VWA3B: variants seen among roughly 807,000 people sequenced by gnomAD.
VWA3B encodes the protein von Willebrand factor A domain-containing protein 3B.
Under a neutral mutation model 158.3 loss-of-function variants are expected in VWA3B, and 138 were observed. The ratio of observed to expected loss-of-function variants is 0.87; its 90% CI spans 0.76 to 1.00. The LOEUF is 1.00. Ranked by LOEUF, VWA3B falls within the 50% of genes least tolerant of loss-of-function variation. The pLI is 0.00. For synonymous variants in VWA3B, 596 were observed against 587.3 expected (o/e 1.01, Z -0.21); for missense variants, 1,555 against 1,565.1 (o/e 0.99, Z 0.11).
At chr2:98,299,899 A>C (rs894300315) in intron 24 of VWA3B, among the ~76,000 whole-genome samples, 180 bp from the exon 25 acceptor site, 3 of 152,182 alleles carry the variant, frequency 2.0e-5, no homozygotes, top group Non-Finnish European at 4.4e-5. Flanking sequence ...ACAAAATTCC[A>C]GATGTGGCCC....
chr2:98,216,637 C>T (rs992115215), intron 13 of VWA3B: 26 of 455,328 alleles, frequency 5.7e-5, no homozygotes, highest in African/African-American at 5.0e-4. Flanking sequence ...GCTGTTTAGA[C>T]TCAGAGCAGA....
At chr2:98,119,488 G>A (rs1358327274) in intron 3 of VWA3B, 25 bp from the exon 4 acceptor site, 2 of 1,610,322 alleles carry the variant, frequency 1.2e-6, no homozygotes, top group African/African-American at 2.7e-5. Context: ...TTGTTTTATT[G>A]TTTTTGTCTT....
At chr2:98,250,458 T>A (rs747367218) in intron 20 of VWA3B, 22 bp downstream of exon 20, 1 of 1,535,690 alleles carries the variant, frequency 6.5e-7, no homozygotes, top group East Asian at 2.3e-5. Context: ...TCTTGGCTGC[T>A]CTTTAATGGA....
At chr2:98,187,664 CTGTGTGTGTGTGTGTG>C (rs3066239) in intron 9 of VWA3B, among the ~76,000 whole-genome samples, 23 of 141,796 alleles carry the variant, frequency 1.6e-4, no homozygotes, top group Admixed American at 3.5e-4. Context: ...GTCTCTGTGT[CTGTGTGTGTGTGTGTG>C]TGTGTGTGTG....
chr2:98,308,275 GAC>G (rs1690649954), intron 26 of VWA3B, among the ~76,000 whole-genome samples: 1 of 152,104 alleles, frequency 6.6e-6, no homozygotes, highest in African/African-American at 2.4e-5. Flanking sequence ...GGCATTCTCT[GAC>G]ACACGGCTGA....
chr2:98,178,687 A>G (rs1680220348), intron 8 of VWA3B, among the ~76,000 whole-genome samples: 1 of 152,168 alleles, frequency 6.6e-6, no homozygotes. Context: ...TGGCTGCACA[A>G]TACAGTTGCC....
At chr2:98,217,147 C>T (rs985072848) in intron 13 of VWA3B, among the ~76,000 whole-genome samples, 1 of 152,182 alleles carries the variant, frequency 6.6e-6, no homozygotes, top group African/African-American at 2.4e-5. Context: ...TCCTCCTGCC[C>T]CCTCCCTGCT....
chr2:98,274,959 C>G (rs1688430471), intron 22 of VWA3B, among the ~76,000 whole-genome samples: 1 of 152,218 alleles, frequency 6.6e-6, no homozygotes, highest in Admixed American at 6.5e-5. Context: ...GCTACCCCTT[C>G]CATCCTTCCT....
chr2:98,123,036 A>C (rs1170667003), intron 5 of VWA3B, among the ~76,000 whole-genome samples: 5 of 152,218 alleles, frequency 3.3e-5, no homozygotes, highest in Admixed American at 2.6e-4. Flanking sequence ...ACTGCCTTGC[A>C]TATAAAAATG....
Position 98,256,189 on chromosome 2 carries a change from T to A in VWA3B, c.2843+15T>A. On this transcript the variant is annotated intron_variant, in intron 21 of 27. Coordinates refer to ENST00000477737, the MANE Select transcript of VWA3B (RefSeq NM_144992.5). ...GAAAAAGAAAAGTAAGCCATTCCAT[T>A]CCCTCCTCACTTTTTTTTTTTGGTG... is the stretch of plus-strand genomic sequence containing the variant. The A allele has an allele frequency of 6.4e-7, 1 of 1,558,350 alleles. No homozygotes were observed.
the VWA3B span, among the ~76,000 whole-genome samples, chr2:98,330,565 G>A: frequency 2.0e-5 from 3 of 152,138 alleles, no homozygotes; most frequent in Non-Finnish European, 4.4e-5. Context: ...CTTTCTGTAT[G>A]AGTTGTCTGT....
At chr2:98,265,200 C>A (rs1426432123) in intron 21 of VWA3B, among the ~76,000 whole-genome samples, 47 of 149,934 alleles carry the variant, frequency 3.1e-4, no homozygotes, top group African/African-American at 9.9e-4. Context: ...CGCCTCCCCC[C>A]ACCCCACAAC....
chr2:98,283,255 GA>G (rs988385397), intron 22 of VWA3B, among the ~76,000 whole-genome samples: 7 of 152,212 alleles, frequency 4.6e-5, no homozygotes, highest in African/African-American at 1.7e-4. Flanking sequence ...TGAAATCTAA[GA>G]GGGAGAAATG....
intron 16 of VWA3B, among the ~76,000 whole-genome samples, chr2:98,231,235 T>C (rs1261586641): frequency 6.6e-6 from 1 of 152,226 alleles, no homozygotes; most frequent in Non-Finnish European, 1.5e-5. Flanking sequence ...ATGAAATTCC[T>C]AATAGAATCC....
intron 11 of VWA3B, among the ~76,000 whole-genome samples, chr2:98,193,635 G>A (rs375124958): frequency 6.1e-5 from 9 of 148,374 alleles, no homozygotes; most frequent in Non-Finnish European, 1.0e-4. Context: ...TCACTGTGTC[G>A]TCCAGTCTGG....
chr2:98,122,593 C>A (rs1411302705), intron 5 of VWA3B, among the ~76,000 whole-genome samples: 1 of 152,178 alleles, frequency 6.6e-6, no homozygotes, highest in Non-Finnish European at 1.5e-5. Context: ...TGTCTGGACA[C>A]CTTAATAAGC....
intron 22 of VWA3B, among the ~76,000 whole-genome samples, chr2:98,278,958 G>A (rs1163657687): frequency 6.6e-6 from 1 of 152,174 alleles, no homozygotes; most frequent in Non-Finnish European, 1.5e-5. Flanking sequence ...CAGAAGTGAT[G>A]TGTGCACATT....
intron 12 of VWA3B, among the ~76,000 whole-genome samples, chr2:98,202,939 T>C (rs533500987): frequency 6.6e-6 from 1 of 152,236 alleles, no homozygotes; most frequent in Non-Finnish European, 1.5e-5. Flanking sequence ...TTCAAGCGAT[T>C]CTCCTGCCTC....
intron 7 of VWA3B, among the ~76,000 whole-genome samples, chr2:98,157,454 G>T (rs897902535): frequency 3.3e-5 from 5 of 152,012 alleles, no homozygotes; most frequent in African/African-American, 1.2e-4. Flanking sequence ...AAATAACTGG[G>T]AATTTTTTTA....
Sources: gnomAD v4.1 joint callset for allele counts (sites outside exome capture counted in the v4.1 genomes callset) on GRCh38, gnomAD v4.1.1 for gene constraint, MANE v1.5 for transcripts, NCBI Gene and HGNC (gene_info 2026-07-23, HGNC 2026-07-21) for gene names.